The following PTPRD variants were observed in gnomAD, a reference collection of about 807,000 sequenced individuals.
PTPRD encodes receptor-type tyrosine-protein phosphatase delta.
A neutral mutation model predicts 214.5 loss-of-function variants in PTPRD; 34 were observed. That is an observed-to-expected ratio of 0.16 (90% CI 0.12 to 0.21). PTPRD has a LOEUF of 0.21. Ranked by LOEUF, PTPRD falls within the 10% of genes least tolerant of loss-of-function variation. The probability of loss-of-function intolerance (pLI) is 1.00; values close to 1 mark genes in which losing one functional copy is unlikely to be tolerated. For missense variants in PTPRD, 2,545 were observed against 2,398.7 expected (o/e 1.06, Z -1.27); for synonymous variants, 1,128 against 845.7 (o/e 1.33, Z -5.79).
chr9:10,136,148 C>A (rs1259901666), intron 3 of PTPRD, among the ~76,000 whole-genome samples: 1 of 151,794 alleles, frequency 6.6e-6, no homozygotes, highest in Non-Finnish European at 1.5e-5. Flanking sequence ...CAAGACATTA[C>A]ATAACAATAA....
At chr9:9,226,793 T>G (rs571943481) in intron 9 of PTPRD, among the ~76,000 whole-genome samples, 1 of 152,182 alleles carries the variant, frequency 6.6e-6, no homozygotes, top group East Asian at 1.9e-4. Flanking sequence ...TATCTTTCAC[T>G]TAACATGGAT....
intron 9 of PTPRD, among the ~76,000 whole-genome samples, chr9:9,356,197 G>C (rs1378616922): frequency 6.6e-6 from 1 of 151,346 alleles, no homozygotes; most frequent in African/African-American, 2.4e-5. Context: ...TCTGGCAGAG[G>C]AAATGGGGAC....
chr9:10,572,643 G>T (rs2067837825), intron 2 of PTPRD, among the ~76,000 whole-genome samples: 1 of 152,086 alleles, frequency 6.6e-6, no homozygotes, highest in African/African-American at 2.4e-5. Context: ...CCTGTGATGT[G>T]TGTTTATAAT....
intron 2 of PTPRD, among the ~76,000 whole-genome samples, chr9:10,573,270 C>A (rs1052707437): frequency 2.0e-5 from 3 of 152,160 alleles, no homozygotes; most frequent in African/African-American, 4.8e-5. Flanking sequence ...AAAAAACACA[C>A]ACGAATGTTG....
Position 9,801,144 on chromosome 9 carries a change from C to A in PTPRD, c.-367-34293G>T, listed in dbSNP as rs148085944. On this transcript the variant is annotated intron_variant, in intron 5 of 45. Transcript: ENST00000381196. ...AATATTAGGCACTTCCATCATGTAA[C>A]AACTTTGATTTTAGAGGTCTTTTTA... Among the ~76,000 whole-genome samples the A allele has an allele frequency of 8.5e-5, 13 of 152,206 alleles. No individual in the cohort carries two copies. In the East Asian group the frequency reaches 2.5e-3, roughly 29 times the overall value.
chr9:9,445,883 T>A (rs1036690945), intron 8 of PTPRD, among the ~76,000 whole-genome samples: 17 of 152,190 alleles, frequency 1.1e-4, no homozygotes, highest in Admixed American at 1.1e-3. Context: ...GGAACTCTTG[T>A]GCTTATGCAA....
At position 8,444,481 on chromosome 9, in the gene PTPRD, A is replaced by T. The variant is rs192652739; in HGVS notation, c.3988+5244T>A. On this transcript the variant is annotated intron_variant, in intron 34 of 45. Coordinates refer to ENST00000381196, the MANE Select transcript of PTPRD (RefSeq NM_002839.4). ...AACTCTATATGGCAGATATTTCTGG[A>T]GACTTAATTGGAGTAATGACACAAA... Among the ~76,000 whole-genome samples, 18 of 152,206 alleles carry T rather than the reference A, an allele frequency of 1.2e-4. 1 individual carries two copies. The East Asian group carries it at 2.7e-3, about 23-fold the overall frequency.
chr9:8,633,096 T>C (rs997265326), intron 14 of PTPRD, among the ~76,000 whole-genome samples: 3 of 151,984 alleles, frequency 2.0e-5, no homozygotes, highest in African/African-American at 7.2e-5. Context: ...TCAATGCTTT[T>C]TTCAGCTTTT....
At chr9:9,502,104 CATTT>C (rs1358559663) in intron 8 of PTPRD, among the ~76,000 whole-genome samples, 2 of 151,800 alleles carry the variant, frequency 1.3e-5, no homozygotes, top group African/African-American at 4.8e-5. Flanking sequence ...CGCTTGCTCT[CATTT>C]ATCATCATTT....
intron 5 of PTPRD, among the ~76,000 whole-genome samples, chr9:9,770,529 ATT>A (rs561068422): frequency 6.6e-6 from 1 of 152,142 alleles, no homozygotes; most frequent in East Asian, 1.9e-4. Context: ...ACACAGTATT[ATT>A]TTTTGTCACC....
At chr9:9,146,153 A>G (rs1467697144) in intron 10 of PTPRD, among the ~76,000 whole-genome samples, 1 of 152,202 alleles carries the variant, frequency 6.6e-6, no homozygotes, top group East Asian at 1.9e-4. Flanking sequence ...GCTGAACAGA[A>G]GTGATCCAGA....
At chr9:9,596,417 A>G (rs2093357138) in intron 7 of PTPRD, among the ~76,000 whole-genome samples, 1 of 151,960 alleles carries the variant, frequency 6.6e-6, no homozygotes, top group Non-Finnish European at 1.5e-5. Flanking sequence ...TAGGGACGAT[A>G]TTATACTGAA....
chr9:9,273,619 G>A (rs922857812), intron 9 of PTPRD, among the ~76,000 whole-genome samples: 1 of 151,270 alleles, frequency 6.6e-6, no homozygotes, highest in Admixed American at 6.6e-5. Flanking sequence ...TCTTCAAAAT[G>A]TATAGCATGT....
chr9:10,172,901 T>A (rs1418405214), intron 3 of PTPRD, among the ~76,000 whole-genome samples: 1 of 152,138 alleles, frequency 6.6e-6, no homozygotes, highest in Non-Finnish European at 1.5e-5. Context: ...ACAGAGGAGA[T>A]ACCCATGCAT....
intron 6 of PTPRD, among the ~76,000 whole-genome samples, chr9:9,762,951 A>G (rs1435808935): frequency 6.6e-6 from 1 of 152,162 alleles, no homozygotes; most frequent in African/African-American, 2.4e-5. Context: ...GGTAGATTTT[A>G]TTCTGAAGCT....
intron 4 of PTPRD, among the ~76,000 whole-genome samples, chr9:9,989,098 T>C (rs2095825021): frequency 6.6e-6 from 1 of 150,400 alleles, no homozygotes; most frequent in Non-Finnish European, 1.5e-5. Context: ...AGGAGTTATG[T>C]CCTCTGCCAA....
chr9:9,669,324 G>A (rs572830660), intron 7 of PTPRD, among the ~76,000 whole-genome samples: 27 of 152,236 alleles, frequency 1.8e-4, no homozygotes, highest in African/African-American at 6.0e-4. Flanking sequence ...ACTGATAGTA[G>A]CATCTTGTTC....
chr9:10,126,424 T>C (rs927372107), intron 3 of PTPRD, among the ~76,000 whole-genome samples: 55 of 131,000 alleles, frequency 4.2e-4, no homozygotes, highest in African/African-American at 1.4e-3. Flanking sequence ...CTGTTTTATA[T>C]ATACACACAC....
At chr9:9,901,101 T>G (rs999422818) in intron 5 of PTPRD, among the ~76,000 whole-genome samples, 1 of 152,094 alleles carries the variant, frequency 6.6e-6, no homozygotes, top group Admixed American at 6.6e-5. Flanking sequence ...CTTACAGTCA[T>G]AGTGGAGAGC....
Sources: allele counts gnomAD v4.1 joint callset (sites outside exome capture counted in the v4.1 genomes callset), GRCh38; gene constraint gnomAD v4.1.1; transcripts MANE v1.5; gene names NCBI Gene and HGNC (gene_info 2026-07-23, HGNC 2026-07-21).